Variants in RSPO2 observed in about 807,000 individuals in gnomAD.
RSPO2 encodes R-spondin 2, also known as R-spondin-2.
In RSPO2, 14 loss-of-function variants were observed where a neutral mutation model predicts 30.9. That is an observed-to-expected ratio of 0.45 (90% confidence interval 0.30 to 0.71). The LOEUF (loss-of-function observed/expected upper bound fraction) is 0.71, where lower values mean the gene tolerates loss of function less well. Ranked by LOEUF, RSPO2 falls within the 30% of genes least tolerant of loss-of-function variation. The pLI, the probability that RSPO2 is intolerant of heterozygous loss-of-function variation, is 0.08. For missense variants in RSPO2, 264 were observed against 301.9 expected (o/e 0.87, Z 0.93); for synonymous variants, 107 against 96.4 (o/e 1.11, Z -0.64).
chr8:108,047,110 C>A (rs1052651542), intron 2 of RSPO2, among the ~76,000 whole-genome samples: 12 of 152,170 alleles, frequency 7.9e-5, no homozygotes, highest in Non-Finnish European at 5.9e-5. Context: ...CATTTCCTTG[C>A]CAGTGGTCAC....
chr8:107,945,059 G>A (rs1369881797), intron 5 of RSPO2, among the ~76,000 whole-genome samples: 1 of 151,730 alleles, frequency 6.6e-6, no homozygotes, highest in African/African-American at 2.4e-5. Context: ...AATGGTTTAA[G>A]GAATTAAATT....
chr8:108,071,968 T>C (rs1178228095), intron 2 of RSPO2, among the ~76,000 whole-genome samples: 1 of 151,638 alleles, frequency 6.6e-6, no homozygotes, highest in African/African-American at 2.4e-5. Context: ...CAGGGCAGAG[T>C]TTTTAAAGAC....
chr8:108,016,047 A>G (rs948359568), intron 2 of RSPO2, among the ~76,000 whole-genome samples: 5 of 152,222 alleles, frequency 3.3e-5, no homozygotes, highest in African/African-American at 1.2e-4. Flanking sequence ...ATTAGGAGTC[A>G]GATGTAACAA....
chr8:107,995,839 T>TCC (rs1815001295), intron 2 of RSPO2, among the ~76,000 whole-genome samples: 1 of 152,140 alleles, frequency 6.6e-6, no homozygotes. Flanking sequence ...GACCTACCTC[T>TCC]CCCTACTTCA....
intron 4 of RSPO2, 47 bp downstream of exon 4, chr8:107,960,627 G>A: frequency 2.6e-6 from 4 of 1,563,812 alleles, no homozygotes; most frequent in Non-Finnish European, 3.5e-6. Context: ...AGAAACAAGT[G>A]CTAAAATAAA....
intron 2 of RSPO2, among the ~76,000 whole-genome samples, chr8:108,048,014 GA>G (rs1366024917): frequency 1.3e-5 from 2 of 152,020 alleles, no homozygotes; most frequent in African/African-American, 2.4e-5. Context: ...ATAATTAACA[GA>G]ACTTTTTGCC....
chr8:107,992,862 AC>A (rs1327333361), intron 2 of RSPO2, among the ~76,000 whole-genome samples: 1 of 152,246 alleles, frequency 6.6e-6, no homozygotes, highest in East Asian at 1.9e-4. Context: ...TTATAGTTTA[AC>A]CAGGTGAGCA....
At chr8:108,054,750 C>T (rs867222030) in intron 2 of RSPO2, among the ~76,000 whole-genome samples, 8 of 152,276 alleles carry the variant, frequency 5.3e-5, no homozygotes, top group South Asian at 2.1e-4. Context: ...GGCAAGCATA[C>T]GCCTTCCATT....
chr8:107,976,359 C>CTAG (rs1241241973), intron 3 of RSPO2, among the ~76,000 whole-genome samples: 2 of 152,206 alleles, frequency 1.3e-5, no homozygotes, highest in African/African-American at 4.8e-5. Context: ...CTTAGCTCTC[C>CTAG]ATACTGTGTG....
At chr8:108,030,393 C>T (rs1429254954) in intron 2 of RSPO2, among the ~76,000 whole-genome samples, 1 of 152,158 alleles carries the variant, frequency 6.6e-6, no homozygotes, top group Admixed American at 6.5e-5. Flanking sequence ...TCTGGTCTTG[C>T]CTGCCTGGTA....
intron 5 of RSPO2, among the ~76,000 whole-genome samples, chr8:107,941,914 G>A (rs1446921682): frequency 1.3e-5 from 2 of 152,150 alleles, no homozygotes; most frequent in African/African-American, 4.8e-5. Context: ...TCATGATTGT[G>A]CAGAAATCTA....
intron 4 of RSPO2, among the ~76,000 whole-genome samples, chr8:107,958,879 G>C (rs62535482): frequency 6.6e-6 from 1 of 152,070 alleles, no homozygotes; most frequent in Non-Finnish European, 1.5e-5. Context: ...ACTTGATCTC[G>C]TTCTTTTTTA....
chr8:108,018,345 T>C (rs540405649), intron 2 of RSPO2, among the ~76,000 whole-genome samples: 1 of 152,306 alleles, frequency 6.6e-6, no homozygotes, highest in East Asian at 1.9e-4. Flanking sequence ...GCACTTGTAA[T>C]AAATCCTTCT....
chr8:107,905,690 AAC>A (rs1803222326), intron 5 of RSPO2, among the ~76,000 whole-genome samples: 1 of 152,042 alleles, frequency 6.6e-6, no homozygotes, highest in Admixed American at 6.6e-5. Flanking sequence ...TATTTCAGAG[AAC>A]ACTCTGGAAG....
chr8:108,059,078 G>C (rs1812361093), intron 2 of RSPO2, among the ~76,000 whole-genome samples: 1 of 151,772 alleles, frequency 6.6e-6, no homozygotes, highest in East Asian at 1.9e-4. Flanking sequence ...CAAAATGGGA[G>C]AAAATTTTTG....
intron 5 of RSPO2, among the ~76,000 whole-genome samples, chr8:107,941,018 C>A (rs1000693121): frequency 1.3e-5 from 2 of 151,980 alleles, no homozygotes; most frequent in African/African-American, 4.8e-5. Context: ...CTTTTCAAAT[C>A]TTGAATCACT....
chr8:108,065,303 A>AAAAAG (rs1812630071), intron 2 of RSPO2, among the ~76,000 whole-genome samples: 1 of 151,698 alleles, frequency 6.6e-6, no homozygotes, highest in Non-Finnish European at 1.5e-5. Context: ...AAAAAAAAAA[A>AAAAAG]AAAGAAGAGT....
chr8:108,066,511 T>C (rs1291284784), intron 2 of RSPO2, among the ~76,000 whole-genome samples: 1 of 152,122 alleles, frequency 6.6e-6, no homozygotes, highest in East Asian at 1.9e-4. Flanking sequence ...TTGGAAGACT[T>C]CTCCTCCATC....
intron 3 of RSPO2, among the ~76,000 whole-genome samples, chr8:107,976,225 T>C (rs78093372): frequency 0.021 from 3,126 of 152,324 alleles, 43 homozygotes; most frequent in Non-Finnish European, 0.033. Context: ...TGTATTTCTT[T>C]TTTATGATGG....
Sources: allele counts gnomAD v4.1 joint callset (sites outside exome capture counted in the v4.1 genomes callset), GRCh38; gene constraint gnomAD v4.1.1; transcripts MANE v1.5; gene names NCBI Gene and HGNC (gene_info 2026-07-23, HGNC 2026-07-21).